TRAPPC13: variants seen among roughly 807,000 people sequenced by gnomAD.
The protein encoded by TRAPPC13 is trafficking protein particle complex subunit 13.
A neutral mutation model predicts 54.0 loss-of-function variants in TRAPPC13; 39 were observed. The ratio of observed to expected loss-of-function variants is 0.72; its 90% CI spans 0.56 to 0.94. The LOEUF (loss-of-function observed/expected upper bound fraction) is 0.94, where lower values mean the gene tolerates loss of function less well. TRAPPC13 is among the 40% of genes least tolerant of loss of function. The pLI is 0.00. For missense variants in TRAPPC13, 386 were observed against 488.1 expected, an observed-to-expected ratio of 0.79 and a Z score of 1.97; for synonymous variants, 148 against 167.7, an observed-to-expected ratio of 0.88 and a Z score of 0.91.
chr5:65,651,508 G>A (rs571077415), intron 6 of TRAPPC13, among the ~76,000 whole-genome samples: 3 of 152,280 alleles, frequency 2.0e-5, no homozygotes, highest in Admixed American at 2.0e-4. Flanking sequence ...TTAAAGGAGA[G>A]ACAATTGACT....
chr5:65,644,803 T>C (rs154869), intron 4 of TRAPPC13, among the ~76,000 whole-genome samples: 93,848 of 150,516 alleles, frequency 0.62, 29,496 homozygotes, highest in South Asian at 0.65. Context: ...ATCACTTGAA[T>C]CTGGGAGGTA....
intron 4 of TRAPPC13, among the ~76,000 whole-genome samples, chr5:65,646,449 A>G (rs936628080): frequency 6.6e-6 from 1 of 152,192 alleles, no homozygotes; most frequent in African/African-American, 2.4e-5. Context: ...ATCTGAATAT[A>G]TATTTAAAAA....
rs533890928 is a variant in TRAPPC13 at position 65,660,676 on chromosome 5, G to A, written c.699-23G>A. On this transcript the variant is annotated intron_variant, in intron 9 of 12. Transcript: ENST00000399438. ...TAAAAGATGCTAGAGAATTTTCTCC[G>A]TCTCTGTCTCCACCCCTCTCAGTGT... 2.0e-4 allele frequency: 315 copies of A among 1,539,854 alleles called. 1 individual carries two copies. The South Asian group carries it at 3.2e-3, about 15-fold the overall frequency.
chr5:65,636,402 A>G (rs1755752213), intron 3 of TRAPPC13, among the ~76,000 whole-genome samples: 1 of 152,064 alleles, frequency 6.6e-6, no homozygotes, highest in Admixed American at 6.6e-5. Context: ...TCAGCCTCCC[A>G]AAGTGCTTGG....
In TRAPPC13 at chr5:65,658,456, T is replaced by C. The variant is rs1253827390; in HGVS notation, c.653T>C (p.Met218Thr). The C allele has an allele frequency of 1.0e-5, 16 of 1,587,462 alleles. No homozygotes were observed. Among genetic ancestry groups the C allele is most frequent in the African/African-American group, 1.3e-5 (1 of 74,570 alleles). The change falls in exon 9 of 13, where the codon ATG becomes ACG. Residue 218 changes from methionine to threonine, a missense_variant. Transcript: ENST00000399438. ...AAGGTTTCACTGGAGCCATCTATTA[T>C]GTACAATGTAACAGAATTAAATTCA... The part of the protein sequence containing the change: ...MEKVSLEPSI[M>T]YNVTELNSVS...
chr5:65,645,763 C>T (rs1756177720), intron 4 of TRAPPC13, among the ~76,000 whole-genome samples: 1 of 152,114 alleles, frequency 6.6e-6, no homozygotes, highest in Non-Finnish European at 1.5e-5. Context: ...GAGATGGTGC[C>T]ACTGCACTCC....
At chr5:65,662,260 C>G in intron 11 of TRAPPC13, 110 bp downstream of exon 11, 1 of 671,378 alleles carries the variant, frequency 1.5e-6, no homozygotes, top group Non-Finnish European at 2.4e-6. Context: ...TGACATACAG[C>G]CTTCTCTGAT....
At chr5:65,629,372 G>A (rs1359170893) in intron 1 of TRAPPC13, 7 of 888,360 alleles carry the variant, frequency 7.9e-6, no homozygotes, top group Non-Finnish European at 1.1e-5. Flanking sequence ...ACCACATTGG[G>A]ATTGGTTTTT....
At chr5:65,637,523 C>T (rs1033005245) in intron 3 of TRAPPC13, among the ~76,000 whole-genome samples, 173 bp from the exon 4 acceptor site, 2 of 150,604 alleles carry the variant, frequency 1.3e-5, no homozygotes, top group Non-Finnish European at 2.9e-5. Flanking sequence ...CTCAGCTACT[C>T]GGGAGGCTGA....
At chr5:65,640,069 T>C (rs1755906309) in intron 4 of TRAPPC13, among the ~76,000 whole-genome samples, 1 of 152,208 alleles carries the variant, frequency 6.6e-6, no homozygotes, top group African/African-American at 2.4e-5. Flanking sequence ...CGTACATATG[T>C]TTGTCATATA....
intron 1 of TRAPPC13, 163 bp downstream of exon 1, chr5:65,625,269 T>C: frequency 1.6e-6 from 1 of 640,814 alleles, no homozygotes; most frequent in Non-Finnish European, 2.8e-6. Flanking sequence ...CTGGATGCTT[T>C]TTAGGTTTAT....
At chr5:65,664,196 A>G in intron 11 of TRAPPC13, 41 bp from the exon 12 acceptor site, 2 of 1,581,932 alleles carry the variant, frequency 1.3e-6, no homozygotes, top group Non-Finnish European at 8.6e-7. Flanking sequence ...TCTTTGTGAA[A>G]TGAACAAGAT....
At position 65,650,731 on chromosome 5, in the gene TRAPPC13, T is replaced by G. The variant is rs1756397315; in HGVS notation, c.429-79T>G. 3 of 1,167,144 alleles carry G rather than the reference T, an allele frequency of 2.6e-6. No individual in the cohort carries two copies. The South Asian group carries it at 4.0e-5, about 15-fold the overall frequency. The allele number at this position is 1,167,144 out of a possible 1,614,324, so 72.3% of individuals were successfully genotyped here. ...TAGATATAAGTGTTTTCCAAATTTC[T>G]TAGTAGAATTGAGGTGTGTTTGATT... On this transcript the variant is annotated intron_variant, in intron 5 of 12. Coordinates refer to ENST00000399438, the MANE Select transcript of TRAPPC13 (RefSeq NM_024941.4).
chr5:65,632,616 C>A (rs1755590131), intron 1 of TRAPPC13, among the ~76,000 whole-genome samples: 1 of 152,266 alleles, frequency 6.6e-6, no homozygotes, highest in Admixed American at 6.5e-5. Flanking sequence ...ATGCAAATTA[C>A]CCTCTGCAGG....
intron 4 of TRAPPC13, among the ~76,000 whole-genome samples, chr5:65,639,606 AGTTTT>A (rs1209398067): frequency 6.6e-6 from 1 of 152,222 alleles, no homozygotes; most frequent in African/African-American, 2.4e-5. Flanking sequence ...GGCTGCATTG[AGTTTT>A]GCCTGGGCAC....
At chr5:65,635,408 G>T in intron 2 of TRAPPC13, 39 bp downstream of exon 2, 3 of 1,547,438 alleles carry the variant, frequency 1.9e-6, no homozygotes, top group Non-Finnish European at 2.7e-6. Flanking sequence ...CCTAGGGAAA[G>T]GTTGAAACCT....
At chr5:65,657,053 G>T (rs1368825233) in intron 8 of TRAPPC13, among the ~76,000 whole-genome samples, 1 of 151,316 alleles carries the variant, frequency 6.6e-6, no homozygotes, top group Non-Finnish European at 1.5e-5. Context: ...TTCTACTCTG[G>T]GCAACAGAGC....
At chr5:65,658,530 CT>C in intron 9 of TRAPPC13, 29 bp downstream of exon 9, 1 of 1,488,206 alleles carries the variant, frequency 6.7e-7, no homozygotes, top group Non-Finnish European at 9.0e-7. Context: ...AGTCTTTATC[CT>C]TGTTTTGAAA....
At chr5:65,628,498 C>CA (rs1755353785) in intron 1 of TRAPPC13, among the ~76,000 whole-genome samples, 2 of 148,850 alleles carry the variant, frequency 1.3e-5, no homozygotes, top group African/African-American at 5.0e-5. Flanking sequence ...CTTGCCCTGT[C>CA]ACCCAGGCTG....
Sources: allele counts gnomAD v4.1 joint callset (sites outside exome capture counted in the v4.1 genomes callset), GRCh38; gene constraint gnomAD v4.1.1; transcripts MANE v1.5; gene names NCBI Gene and HGNC (gene_info 2026-07-23, HGNC 2026-07-21).